The following NUBPL variants were observed in gnomAD, a reference collection of about 807,000 sequenced individuals.
NUBPL encodes the protein iron-sulfur cluster transfer protein NUBPL.
A neutral mutation model predicts 45.7 loss-of-function variants in NUBPL; 31 were observed. The observed-to-expected ratio is 0.68, with a 90% CI of 0.51 to 0.92. The LOEUF (loss-of-function observed/expected upper bound fraction) is 0.92, where lower values mean the gene tolerates loss of function less well. Among genes scored for constraint, NUBPL ranks in the 40% least tolerant of loss-of-function variants. The pLI, the probability that NUBPL is intolerant of heterozygous loss-of-function variation, is 0.00. For missense variants in NUBPL, 401 were observed against 398.7 expected (o/e 1.01, Z -0.05); for synonymous variants, 144 against 140.9 (o/e 1.02, Z -0.15).
chr14:31,625,134 T>A (rs770741162), intron 4 of NUBPL, among the ~76,000 whole-genome samples: 1 of 151,900 alleles, frequency 6.6e-6, no homozygotes, highest in Admixed American at 6.6e-5. Flanking sequence ...TATGAAGAGG[T>A]GATCAGAGAA....
chr14:31,785,942 T>G (rs1333755992), intron 6 of NUBPL, among the ~76,000 whole-genome samples: 1 of 152,158 alleles, frequency 6.6e-6, no homozygotes, highest in Non-Finnish European at 1.5e-5. Context: ...GAGGATCACT[T>G]GAGCCTAGGA....
intron 6 of NUBPL, among the ~76,000 whole-genome samples, chr14:31,691,915 C>T (rs868676093): frequency 1.2e-4 from 18 of 152,096 alleles, no homozygotes; most frequent in African/African-American, 4.1e-4. Flanking sequence ...CATAATTTCA[C>T]CATATGTCCT....
At chr14:31,849,983 G>A in intron 9 of NUBPL, 136 bp from the exon 10 acceptor site, 1 of 699,972 alleles carries the variant, frequency 1.4e-6, no homozygotes, top group Non-Finnish European at 2.6e-6. Flanking sequence ...CTTTTTCAAA[G>A]ATTTAGCAAT....
chr14:31,603,128 A>G (rs1418002799), intron 4 of NUBPL, among the ~76,000 whole-genome samples: 1 of 151,912 alleles, frequency 6.6e-6, no homozygotes, highest in Non-Finnish European at 1.5e-5. Flanking sequence ...CCTGGGCAAC[A>G]TAGTGAGACA....
intron 7 of NUBPL, among the ~76,000 whole-genome samples, chr14:31,798,609 G>A (rs1473579523): frequency 6.6e-6 from 1 of 150,992 alleles, no homozygotes; most frequent in Non-Finnish European, 1.5e-5. Context: ...TGGCTAACAC[G>A]GTGAAACCCT....
At chr14:31,857,426 A>T (rs1595716011) in intron 10 of NUBPL, among the ~76,000 whole-genome samples, 1 of 152,172 alleles carries the variant, frequency 6.6e-6, no homozygotes. Flanking sequence ...TGTCTTGGGG[A>T]TTAACATTCG....
At chr14:31,579,193 A>G (rs975276985) in intron 3 of NUBPL, among the ~76,000 whole-genome samples, 2 of 152,180 alleles carry the variant, frequency 1.3e-5, no homozygotes, top group African/African-American at 4.8e-5. Flanking sequence ...GTCACCATGG[A>G]AACTGATGAA....
At chr14:31,741,874 C>T (rs1168987480) in intron 6 of NUBPL, among the ~76,000 whole-genome samples, 1 of 152,028 alleles carries the variant, frequency 6.6e-6, no homozygotes, top group Non-Finnish European at 1.5e-5. Flanking sequence ...GTTGGTTTTT[C>T]AGTTTGTTCA....
chr14:31,688,394 A>G (rs2037005068), intron 6 of NUBPL, among the ~76,000 whole-genome samples: 2 of 151,780 alleles, frequency 1.3e-5, no homozygotes, highest in Admixed American at 6.6e-5. Context: ...TGGCCAACAT[A>G]GCAAAACCCC....
rs1297602264 is a variant in NUBPL, at chr14:31,782,352, G to A, written c.514-5428G>A. Among the ~76,000 whole-genome samples the A allele has an allele frequency of 6.6e-5, 10 of 152,148 alleles. No individual in the cohort carries two copies. The South Asian group carries it at 8.3e-4, about 13-fold the overall frequency. On this transcript the variant is annotated intron_variant, in intron 6 of 10. Coordinates refer to ENST00000281081, the MANE Select transcript of NUBPL (RefSeq NM_025152.3). The stretch of plus-strand genomic sequence containing the variant: ...GGAGGTTGCAGTGAGCTGAGATTGC[G>A]CCGCTGCACTCCAGCCTGGGCGACA...
chr14:31,666,241 A>ATG (rs2036411163), intron 4 of NUBPL, among the ~76,000 whole-genome samples: 2 of 24,046 alleles, frequency 8.3e-5, no homozygotes, highest in Non-Finnish European at 1.5e-4. Flanking sequence ...ATATATATAT[A>ATG]TATATATATA....
At chr14:31,713,149 G>A (rs2037614701) in intron 6 of NUBPL, among the ~76,000 whole-genome samples, 3 of 152,102 alleles carry the variant, frequency 2.0e-5, no homozygotes, top group Admixed American at 2.0e-4. Context: ...AGACCAGAAG[G>A]GTCAATTTCT....
chr14:31,601,069 T>A (rs1217668539), intron 4 of NUBPL, among the ~76,000 whole-genome samples: 2 of 152,186 alleles, frequency 1.3e-5, no homozygotes, highest in African/African-American at 4.8e-5. Context: ...GTCGTAGATA[T>A]GCGGCGTTAT....
At chr14:31,855,183 A>C (rs1317103877) in intron 10 of NUBPL, among the ~76,000 whole-genome samples, 85 of 152,356 alleles carry the variant, frequency 5.6e-4, no homozygotes, top group Non-Finnish European at 1.5e-5. Context: ...AATATTAGGC[A>C]TAAGTACCTA....
chr14:31,815,176 A>AT (rs755552395), intron 7 of NUBPL, among the ~76,000 whole-genome samples: 6 of 151,472 alleles, frequency 4.0e-5, no homozygotes, highest in South Asian at 4.2e-4. Context: ...TGAACATGGA[A>AT]TTTTTTTTTC....
At chr14:31,858,569 AGT>A (rs2040661351) in intron 10 of NUBPL, among the ~76,000 whole-genome samples, 2 of 152,214 alleles carry the variant, frequency 1.3e-5, no homozygotes, top group South Asian at 4.2e-4. Context: ...AGACATAAAG[AGT>A]GTAACAATGG....
intron 6 of NUBPL, among the ~76,000 whole-genome samples, chr14:31,748,992 C>T (rs568533960): frequency 6.6e-6 from 1 of 152,166 alleles, no homozygotes; most frequent in Admixed American, 6.5e-5. Flanking sequence ...TCTTTTTCAT[C>T]CTATACCTTT....
intron 4 of NUBPL, among the ~76,000 whole-genome samples, chr14:31,666,897 TG>T (rs749222924): frequency 6.6e-6 from 1 of 152,226 alleles, no homozygotes; most frequent in Non-Finnish European, 1.5e-5. Context: ...TCTTCTGGCT[TG>T]TAGGGTTTCT....
At chr14:31,635,830 G>T (rs1036227116) in intron 4 of NUBPL, among the ~76,000 whole-genome samples, 1 of 151,970 alleles carries the variant, frequency 6.6e-6, no homozygotes. Flanking sequence ...GGATTCCTAG[G>T]TATTTTATTC....
Sources: allele counts gnomAD v4.1 joint callset (sites outside exome capture counted in the v4.1 genomes callset), GRCh38; gene constraint gnomAD v4.1.1; transcripts MANE v1.5; gene names NCBI Gene and HGNC (gene_info 2026-07-23, HGNC 2026-07-21).